Variants in RAB4A observed in about 807,000 individuals in gnomAD.
RAB4A encodes RAB4A, member RAS oncogene family, also known as ras-related protein Rab-4A.
Under a neutral mutation model 34.5 loss-of-function variants are expected in RAB4A, and 20 were observed. The observed-to-expected ratio is 0.58, with a 90% CI of 0.41 to 0.84. RAB4A has a LOEUF of 0.84. Ranked by LOEUF, RAB4A falls within the 40% of genes least tolerant of loss-of-function variation. The pLI is 0.00. For synonymous variants in RAB4A, 102 were observed against 100.0 expected (o/e 1.02, Z -0.12); for missense variants, 228 against 274.5 (o/e 0.83, Z 1.20).
intron 6 of RAB4A, among the ~76,000 whole-genome samples, chr1:229,302,309 A>ATATTTTTTTTTTTTTT (rs1657431515): frequency 2.8e-5 from 1 of 35,900 alleles, no homozygotes; most frequent in Non-Finnish European, 5.4e-5. Context: ...ATATATATAT[A>ATATTTTTTTTTTTTTT]TTTTTTTTTT....
intron 1 of RAB4A, among the ~76,000 whole-genome samples, chr1:229,281,835 T>C (rs947471344): frequency 6.9e-6 from 1 of 145,836 alleles, no homozygotes; most frequent in Non-Finnish European, 1.5e-5. Context: ...TATATATATA[T>C]ATATATATAT....
At chr1:229,272,937 G>A (rs983179147) in intron 1 of RAB4A, among the ~76,000 whole-genome samples, 1 of 152,232 alleles carries the variant, frequency 6.6e-6, no homozygotes, top group African/African-American at 2.4e-5. Flanking sequence ...GTTTGCAAAT[G>A]TTTCTGCAAA....
chr1:229,297,413 A>G, intron 4 of RAB4A, 69 bp from the exon 5 acceptor site: 1 of 1,470,148 alleles, frequency 6.8e-7, no homozygotes. Flanking sequence ...ATGAGTAGTG[A>G]GAATGACTGG....
At chr1:229,274,878 T>A (rs1188051799) in intron 1 of RAB4A, among the ~76,000 whole-genome samples, 2 of 152,226 alleles carry the variant, frequency 1.3e-5, no homozygotes, top group African/African-American at 4.8e-5. Context: ...GAATAACAAA[T>A]GAAACAGAAG....
At chr1:229,303,630 T>A (rs769422671) in intron 7 of RAB4A, among the ~76,000 whole-genome samples, 176 bp from the exon 8 acceptor site, 1 of 152,188 alleles carries the variant, frequency 6.6e-6, no homozygotes, top group Non-Finnish European at 1.5e-5. Context: ...TTTTAAAGCT[T>A]CTTCTTTTTT....
At chr1:229,278,280 T>G (rs894959431) in intron 1 of RAB4A, among the ~76,000 whole-genome samples, 1 of 152,254 alleles carries the variant, frequency 6.6e-6, no homozygotes, top group African/African-American at 2.4e-5. Flanking sequence ...GCTCCAGCCC[T>G]GGCTACCCAG....
chr1:229,271,230 G>A lies in RAB4A; in HGVS notation c.-110G>A, dbSNP rs1553299673. 6.5e-5 allele frequency: 73 copies of A among 1,126,206 alleles called. No individual in the cohort carries two copies. The highest frequency in any genetic ancestry group is 2.9e-5 in the Non-Finnish European group (26 of 886,214). 69.8% of individuals were successfully genotyped at this position (1,126,206 alleles called of 1,614,324 possible). On this transcript the variant is annotated 5_prime_UTR_variant, in exon 1 of 8. Transcript: ENST00000366690. ...GGCGGTTGCCGTGGGGACCGGTCGG[G>A]CCCCTCCCTCCTCCGGTCCCCCGCC...
intron 3 of RAB4A, among the ~76,000 whole-genome samples, chr1:229,289,502 G>C (rs1350733718): frequency 6.6e-6 from 1 of 152,176 alleles, no homozygotes; most frequent in African/African-American, 2.4e-5. Context: ...TTGAAGTTGA[G>C]TACATGTCGT....
chr1:229,273,026 G>C (rs753292586), intron 1 of RAB4A, among the ~76,000 whole-genome samples: 1 of 152,206 alleles, frequency 6.6e-6, no homozygotes, highest in Non-Finnish European at 1.5e-5. Context: ...GCAATTTTTG[G>C]TTACATCTTT....
At chr1:229,301,353 G>A (rs1657381422) in intron 6 of RAB4A, among the ~76,000 whole-genome samples, 1 of 152,066 alleles carries the variant, frequency 6.6e-6, no homozygotes, top group South Asian at 2.1e-4. Context: ...GAAGTAGGAG[G>A]GAGGAGAGTC....
At chr1:229,301,188 T>C (rs1473187862) in intron 6 of RAB4A, among the ~76,000 whole-genome samples, 1 of 152,154 alleles carries the variant, frequency 6.6e-6, no homozygotes, top group African/African-American at 2.4e-5. Flanking sequence ...TCCACTCCTC[T>C]CCTGAGGAAG....
chr1:229,271,381 C>T lies in RAB4A; in HGVS notation c.31+11C>T. On this transcript the variant is annotated intron_variant, in intron 1 of 7. Coordinates refer to ENST00000366690, the MANE Select transcript of RAB4A (RefSeq NM_004578.4). ...TGTCCGAAACCTACGGTACGAGGCC[C>T]GGGCTGGCGGGGCGCGCGGGTCGGG... 1 of 1,228,908 alleles carries T rather than the reference C, an allele frequency of 8.1e-7. No homozygotes were observed. The highest frequency in any genetic ancestry group is 3.5e-5 in the South Asian group (1 of 28,240). The allele number at this position is 1,228,908 out of a possible 1,614,324, so 76.1% of individuals were successfully genotyped here. A position where few individuals can be genotyped will look rare whatever the true frequency, so the allele number is the denominator to read the frequency against.
chr1:229,286,514 A>G lies in RAB4A; in HGVS notation c.60A>G (p.Gly20=), dbSNP rs760498765. The change falls in exon 2 of 8, where the codon GGA becomes GGG. Residue 20 remains glycine, a synonymous_variant. Transcript: ENST00000366690. The stretch of plus-strand genomic sequence containing the variant: ...TTTTGTTTAAGTTCTTGGTTATTGG[A>G]AATGCAGGAACTGGCAAATCTTGCT... ...YDFLFKFLVI[G]NAGTGKSCLL... The G allele has an allele frequency of 1.3e-6, 2 of 1,581,864 alleles. No homozygotes were observed. The highest frequency in any genetic ancestry group is 1.7e-6 in the Non-Finnish European group (2 of 1,165,822).
At chr1:229,292,449 A>G (rs1276688237) in intron 3 of RAB4A, among the ~76,000 whole-genome samples, 1 of 152,192 alleles carries the variant, frequency 6.6e-6, no homozygotes, top group Non-Finnish European at 1.5e-5. Context: ...CTGAGCAAGA[A>G]TAGAAAGGCG....
At position 229,273,475 on chromosome 1, in the gene RAB4A, C is replaced by T. The variant is rs1200418650; in HGVS notation, c.31+2105C>T. Among the ~76,000 whole-genome samples, 4 of 152,224 alleles carry T rather than the reference C, an allele frequency of 2.6e-5. No individual in the cohort carries two copies. The South Asian group carries it at 6.2e-4, about 24-fold the overall frequency. ...GAAAATGAGGCCAGAGGTGATGGCTCACGCCTGTAATCCCAGCACTTTGGA... is the reference window on the plus strand; with the variant it reads ...GAAAATGAGGCCAGAGGTGATGGCTTACGCCTGTAATCCCAGCACTTTGGA... On this transcript the variant is annotated intron_variant, in intron 1 of 7. Coordinates refer to ENST00000366690, the MANE Select transcript of RAB4A (RefSeq NM_004578.4).
At chr1:229,292,236 GGA>G (rs1491259641) in intron 3 of RAB4A, among the ~76,000 whole-genome samples, 3 of 127,878 alleles carry the variant, frequency 2.3e-5, no homozygotes, top group Non-Finnish European at 3.6e-5. Flanking sequence ...ATAAATAAAA[GGA>G]AAAAAAAAAG....
chr1:229,305,048 T>C lies in RAB4A; in HGVS notation c.*1255T>C. The C allele has an allele frequency of 7.2e-7, 1 of 1,388,388 alleles. No homozygotes were observed. Among genetic ancestry groups the C allele is most frequent in the Non-Finnish European group, 9.4e-7 (1 of 1,062,348 alleles). 86.0% of individuals were successfully genotyped at this position (1,388,388 alleles called of 1,614,324 possible). A position where few individuals can be genotyped will look rare whatever the true frequency, so the allele number is the denominator to read the frequency against. ...CTGTGACTTTTTAGTTGAAGACTAG[T>C]AAATTAACTTTTAGTTAGAAGATGC... On this transcript the variant is annotated 3_prime_UTR_variant, in exon 8 of 8. Transcript: ENST00000366690.
At chr1:229,301,851 C>T (rs895727221) in intron 6 of RAB4A, among the ~76,000 whole-genome samples, 8 of 151,494 alleles carry the variant, frequency 5.3e-5, no homozygotes, top group Admixed American at 2.0e-4. Context: ...TTATAGTTTC[C>T]GTATATACAT....
At chr1:229,293,440 G>A (rs1226669536) in intron 3 of RAB4A, among the ~76,000 whole-genome samples, 2 of 152,340 alleles carry the variant, frequency 1.3e-5, no homozygotes, top group East Asian at 3.9e-4. Flanking sequence ...TCTTCCCACA[G>A]TTATCTCCTT....
Sources: gnomAD v4.1 joint callset for allele counts (sites outside exome capture counted in the v4.1 genomes callset) on GRCh38, gnomAD v4.1.1 for gene constraint, MANE v1.5 for transcripts, NCBI Gene and HGNC (gene_info 2026-07-23, HGNC 2026-07-21) for gene names.